The following MGAT4C variants were observed in gnomAD, a reference collection of about 807,000 sequenced individuals.
MGAT4C encodes MGAT4 family member C, also known as alpha-1,3-mannosyl-glycoprotein 4-beta-N-acetylglucosaminyltransferase C.
In MGAT4C, 19 loss-of-function variants were observed where a neutral mutation model predicts 40.1. The observed-to-expected ratio is 0.47, with a 90% CI of 0.33 to 0.70. The LOEUF is 0.70. Ranked by LOEUF, MGAT4C falls within the 30% of genes least tolerant of loss-of-function variation. The probability of loss-of-function intolerance (pLI) is 0.02; values close to 1 mark genes in which losing one functional copy is unlikely to be tolerated. For missense variants in MGAT4C, 491 were observed against 563.2 expected, an observed-to-expected ratio of 0.87 and a Z score of 1.30; for synonymous variants, 181 against 187.1, an observed-to-expected ratio of 0.97 and a Z score of 0.27.
chr12:86,754,307 C>A (rs188097379), intron 1 of MGAT4C, among the ~76,000 whole-genome samples: 1 of 152,082 alleles, frequency 6.6e-6, no homozygotes, highest in Admixed American at 6.6e-5. Flanking sequence ...AGACAAACAG[C>A]AGCTAAGTGG....
chr12:86,390,639 T>C (rs1042355679), intron 3 of MGAT4C, among the ~76,000 whole-genome samples: 3 of 152,150 alleles, frequency 2.0e-5, no homozygotes, highest in African/African-American at 7.2e-5. Context: ...ACATTCAGAA[T>C]GCCAGTTTCA....
chr12:86,283,386 T>C (rs886096940), intron 4 of MGAT4C, among the ~76,000 whole-genome samples: 9 of 151,918 alleles, frequency 5.9e-5, no homozygotes, highest in African/African-American at 7.2e-5. Flanking sequence ...TATATTTATG[T>C]TATATCAAGT....
intron 4 of MGAT4C, among the ~76,000 whole-genome samples, chr12:86,273,800 C>G (rs1014299342): frequency 3.3e-5 from 5 of 152,072 alleles, no homozygotes; most frequent in South Asian, 4.1e-4. Flanking sequence ...TGATGAAACC[C>G]CAATAATTCA....
chr12:86,192,976 A>C (rs1027070805), intron 1 of MGAT4C, among the ~76,000 whole-genome samples: 3 of 152,064 alleles, frequency 2.0e-5, no homozygotes, highest in African/African-American at 4.8e-5. Flanking sequence ...GGGGTTGTGC[A>C]GCTTATCTTC....
At chr12:86,521,842 G>T (rs553770965) in intron 2 of MGAT4C, among the ~76,000 whole-genome samples, 27 of 152,026 alleles carry the variant, frequency 1.8e-4, no homozygotes, top group African/African-American at 6.5e-4. Context: ...TGTATTCCCA[G>T]TCATTTCATT....
At chr12:85,986,738 G>A (rs1565817425) in intron 3 of MGAT4C, among the ~76,000 whole-genome samples, 1 of 151,698 alleles carries the variant, frequency 6.6e-6, no homozygotes, top group Non-Finnish European at 1.5e-5. Context: ...GTGATAATCG[G>A]GAAGAAAGAA....
At chr12:86,566,558 A>ATG (rs1356175517) in intron 2 of MGAT4C, among the ~76,000 whole-genome samples, 7 of 118,076 alleles carry the variant, frequency 5.9e-5, no homozygotes, top group Non-Finnish European at 1.2e-4. Flanking sequence ...ATATATATAT[A>ATG]TATATATATA....
At chr12:86,078,130 C>T (rs1592871238) in intron 1 of MGAT4C, among the ~76,000 whole-genome samples, 1 of 152,160 alleles carries the variant, frequency 6.6e-6, no homozygotes, top group South Asian at 2.1e-4. Flanking sequence ...ATTCCTGGAC[C>T]CATAAATCAT....
chr12:86,273,577 C>T (rs1392991591), intron 4 of MGAT4C, among the ~76,000 whole-genome samples: 8 of 151,878 alleles, frequency 5.3e-5, no homozygotes, highest in Non-Finnish European at 2.9e-5. Context: ...TTGGACTGTC[C>T]AACTATGAAA....
At chr12:86,013,286 C>T (rs944930093) in intron 2 of MGAT4C, among the ~76,000 whole-genome samples, 14 of 152,150 alleles carry the variant, frequency 9.2e-5, no homozygotes, top group African/African-American at 3.1e-4. Context: ...CGGAGTCTTG[C>T]TCTATCGCCC....
In MGAT4C at chr12:86,071,703, T is replaced by TA. The variant is rs1565940689; in HGVS notation, c.-56-21981_-56-21980insT. Among the ~76,000 whole-genome samples, 11 of 152,226 alleles carry TA rather than the reference T, an allele frequency of 7.2e-5. No homozygotes were observed. In the East Asian group the frequency reaches 1.5e-3, roughly 21 times the overall value. ...TTAAATCATCTAATCATCTCAACAA[T>TA]TGTATGAGTTAGGAATTTTTATTAT... On this transcript the variant is annotated intron_variant, in intron 1 of 4. Coordinates refer to ENST00000611864, the MANE Select transcript of MGAT4C (RefSeq NM_001351288.2).
At chr12:86,838,416 G>A (rs1049933353) in intron 1 of MGAT4C, among the ~76,000 whole-genome samples, 5 of 152,146 alleles carry the variant, frequency 3.3e-5, no homozygotes, top group Admixed American at 1.3e-4. Context: ...TTATGATAAT[G>A]CAGCCTGCAG....
chr12:86,227,609 T>C (rs912324660), intron 1 of MGAT4C, among the ~76,000 whole-genome samples: 2 of 151,992 alleles, frequency 1.3e-5, no homozygotes, highest in Non-Finnish European at 2.9e-5. Flanking sequence ...ATAGTTATTC[T>C]CATAATATAT....
intron 1 of MGAT4C, among the ~76,000 whole-genome samples, chr12:86,825,792 C>G (rs1010591128): frequency 2.0e-5 from 3 of 151,316 alleles, no homozygotes; most frequent in African/African-American, 7.3e-5. Flanking sequence ...ACTACAGTGC[C>G]CCTTGGCTGA....
intron 1 of MGAT4C, among the ~76,000 whole-genome samples, chr12:86,759,397 T>C (rs934726764): frequency 1.3e-5 from 2 of 152,104 alleles, no homozygotes; most frequent in African/African-American, 4.8e-5. Flanking sequence ...TTTGGATATA[T>C]ATCAAATTGT....
At chr12:86,747,634 G>A (rs1400298515) in intron 1 of MGAT4C, among the ~76,000 whole-genome samples, 13 of 151,512 alleles carry the variant, frequency 8.6e-5, no homozygotes, top group African/African-American at 2.9e-4. Flanking sequence ...TTTCACTATA[G>A]TTTTCTCTTA....
chr12:86,641,653 A>G (rs1963392821), intron 2 of MGAT4C, among the ~76,000 whole-genome samples: 1 of 151,918 alleles, frequency 6.6e-6, no homozygotes, highest in Non-Finnish European at 1.5e-5. Flanking sequence ...CTGAACAAAC[A>G]GACTGAAGAA....
intron 3 of MGAT4C, among the ~76,000 whole-genome samples, chr12:86,382,707 T>A (rs572859156): frequency 5.9e-5 from 9 of 152,326 alleles, no homozygotes; most frequent in Admixed American, 4.6e-4. Context: ...CTTGGTGCCC[T>A]GCATCCTAGC....
chr12:86,662,038 A>C (rs566472649), intron 2 of MGAT4C, among the ~76,000 whole-genome samples: 1 of 152,244 alleles, frequency 6.6e-6, no homozygotes, highest in South Asian at 2.1e-4. Flanking sequence ...CATTGGACTA[A>C]CCTACCCTAA....
Sources: gnomAD v4.1 joint callset for allele counts (sites outside exome capture counted in the v4.1 genomes callset) on GRCh38, gnomAD v4.1.1 for gene constraint, MANE v1.5 for transcripts, NCBI Gene and HGNC (gene_info 2026-07-23, HGNC 2026-07-21) for gene names.